Variants in ILRUN observed in about 807,000 individuals in gnomAD.
ILRUN encodes protein ILRUN.
ILRUN carries 3 observed loss-of-function variants against 33.8 expected under a neutral mutation model. The ratio of observed to expected loss-of-function variants is 0.09; its 90% CI spans 0.04 to 0.23. ILRUN has a LOEUF of 0.23. Among genes scored for constraint, ILRUN ranks in the 10% least tolerant of loss-of-function variants. The pLI is 1.00. For missense variants in ILRUN, 210 were observed against 375.1 expected, an observed-to-expected ratio of 0.56 and a Z score of 3.64; for synonymous variants, 124 against 138.9, an observed-to-expected ratio of 0.89 and a Z score of 0.75.
chr6:34,617,067 C>T, intron 3 of ILRUN: 2 of 531,576 alleles, frequency 3.8e-6, no homozygotes, highest in South Asian at 1.4e-5. Context: ...TATGGCATCA[C>T]CTGCATGGAG....
chr6:34,643,021 C>T (rs182457819), intron 3 of ILRUN, among the ~76,000 whole-genome samples: 4 of 150,626 alleles, frequency 2.7e-5, no homozygotes, highest in African/African-American at 7.3e-5. Context: ...AGAGGCCAGG[C>T]GCAGTGGCTC....
At chr6:34,657,522 A>C (rs1241862182) in intron 1 of ILRUN, among the ~76,000 whole-genome samples, 1 of 152,238 alleles carries the variant, frequency 6.6e-6, no homozygotes, top group Admixed American at 6.5e-5. Context: ...CCAGAGAAAG[A>C]TTAAGAAACA....
intron 3 of ILRUN, among the ~76,000 whole-genome samples, chr6:34,626,092 C>T (rs777009742): frequency 1.3e-5 from 2 of 152,158 alleles, no homozygotes; most frequent in Non-Finnish European, 2.9e-5. Flanking sequence ...CCCCATGATC[C>T]GCCTGGGTCG....
At chr6:34,650,774 G>A (rs1229137500) in intron 2 of ILRUN, among the ~76,000 whole-genome samples, 10 of 152,042 alleles carry the variant, frequency 6.6e-5, no homozygotes, top group Admixed American at 1.3e-4. Flanking sequence ...ATTTTAAACA[G>A]TGCGCAACGT....
At chr6:34,694,577 C>T (rs1226230739) in intron 1 of ILRUN, among the ~76,000 whole-genome samples, 1 of 152,154 alleles carries the variant, frequency 6.6e-6, no homozygotes, top group Non-Finnish European at 1.5e-5. Flanking sequence ...AGGCTATATT[C>T]CCTGCTTGAG....
Position 34,637,572 on chromosome 6 carries a change from GTT to G in ILRUN, c.511+9027_511+9028del, listed in dbSNP as rs1762388421. On this transcript the variant is annotated intron_variant, in intron 3 of 4. Coordinates refer to ENST00000374023, the MANE Select transcript of ILRUN (RefSeq NM_024294.4). ...CCTTTTCTATACATGTGTATGGTAA[GTT>G]GAGGAGTAAGAAAATTAATTTTAAA... is the stretch of plus-strand genomic sequence containing the variant. Among the ~76,000 whole-genome samples, 5 of 152,286 alleles carry G rather than the reference GTT, an allele frequency of 3.3e-5. No homozygotes were observed. In the East Asian group the frequency reaches 9.7e-4, roughly 29 times the overall value.
At chr6:34,673,681 C>G (rs1294249219) in intron 1 of ILRUN, among the ~76,000 whole-genome samples, 1 of 152,114 alleles carries the variant, frequency 6.6e-6, no homozygotes, top group Non-Finnish European at 1.5e-5. Flanking sequence ...CAACACAGTG[C>G]AACACTGAGT....
At chr6:34,608,795 G>A (rs774482975) in intron 3 of ILRUN, among the ~76,000 whole-genome samples, 1 of 152,170 alleles carries the variant, frequency 6.6e-6, no homozygotes, top group East Asian at 1.9e-4. Context: ...AGGACATTTG[G>A]TCATAGTTCA....
intron 1 of ILRUN, among the ~76,000 whole-genome samples, chr6:34,679,040 T>C (rs1763301488): frequency 6.6e-6 from 1 of 151,456 alleles, no homozygotes; most frequent in Non-Finnish European, 1.5e-5. Flanking sequence ...TGTCAGGTAC[T>C]ATGCTTATTA....
At chr6:34,629,425 C>A (rs1352153274) in intron 3 of ILRUN, among the ~76,000 whole-genome samples, 2 of 152,124 alleles carry the variant, frequency 1.3e-5, no homozygotes, top group Non-Finnish European at 2.9e-5. Flanking sequence ...GCCTCAGACT[C>A]CCAAAGTGCT....
chr6:34,658,494 T>TTC (rs1554187295), intron 1 of ILRUN, among the ~76,000 whole-genome samples: 4 of 150,014 alleles, frequency 2.7e-5, no homozygotes, highest in African/African-American at 7.4e-5. Context: ...CTTTTTCTTT[T>TTC]TTTTTTTTTT....
intron 3 of ILRUN, among the ~76,000 whole-genome samples, chr6:34,637,392 GA>G (rs1461808610): frequency 8.5e-5 from 13 of 152,176 alleles, no homozygotes; most frequent in African/African-American, 2.6e-4. Flanking sequence ...TTGATTTTAA[GA>G]ATTTTTTAAG....
At chr6:34,620,189 C>T (rs571479918) in intron 3 of ILRUN, among the ~76,000 whole-genome samples, 2 of 152,008 alleles carry the variant, frequency 1.3e-5, no homozygotes, top group East Asian at 1.9e-4. Context: ...AAATATATTA[C>T]GTAAATAAGT....
chr6:34,690,182 C>T (rs1334117764), intron 1 of ILRUN, among the ~76,000 whole-genome samples: 1 of 152,086 alleles, frequency 6.6e-6, no homozygotes, highest in African/African-American at 2.4e-5. Context: ...AAATGCGGGC[C>T]GGGCATGGTG....
rs982788664 is a variant in ILRUN at position 34,589,549 on chromosome 6, G to A, written c.*1016C>T. 5 of 152,244 alleles carry A rather than the reference G, an allele frequency of 3.3e-5. No individual in the cohort carries two copies. Among genetic ancestry groups the A allele is most frequent in the Non-Finnish European group, 5.9e-5 (4 of 68,072 alleles). 9.4% of individuals were successfully genotyped at this position (152,244 alleles called of 1,614,324 possible). A position where few individuals can be genotyped will look rare whatever the true frequency, so the allele number is the denominator to read the frequency against. The stretch of plus-strand genomic sequence containing the variant: ...GTGTTGTGTGACAACAGAGAAGCAT[G>A]GGCCACCTTCAAGCTTGCCTACTGC... On this transcript the variant is annotated 3_prime_UTR_variant, in exon 5 of 5. Coordinates refer to ENST00000374023, the MANE Select transcript of ILRUN (RefSeq NM_024294.4).
intron 4 of ILRUN, among the ~76,000 whole-genome samples, chr6:34,604,485 T>C (rs897052963): frequency 1.3e-5 from 2 of 152,214 alleles, no homozygotes; most frequent in African/African-American, 4.8e-5. Context: ...CATAGGTGGG[T>C]GAGGCAGCTT....
At chr6:34,635,070 T>TCAG (rs10657260) in intron 3 of ILRUN, among the ~76,000 whole-genome samples, 67,472 of 151,782 alleles carry the variant, frequency 0.44, 16,976 homozygotes, top group African/African-American at 0.7. Flanking sequence ...CAAATAAGGC[T>TCAG]GTCAGAAATA....
intron 3 of ILRUN, among the ~76,000 whole-genome samples, chr6:34,637,737 C>T (rs1762391335): frequency 6.6e-6 from 1 of 152,196 alleles, no homozygotes; most frequent in African/African-American, 2.4e-5. Flanking sequence ...ATTACTGTTT[C>T]ATCAGATTTT....
chr6:34,591,862 ACTG>A (rs1435964317), intron 4 of ILRUN, among the ~76,000 whole-genome samples: 3 of 152,300 alleles, frequency 2.0e-5, no homozygotes, highest in Admixed American at 2.0e-4. Context: ...AATTTGATGG[ACTG>A]CAGTATTCCT....
Sources: gnomAD v4.1 joint callset for allele counts (sites outside exome capture counted in the v4.1 genomes callset) on GRCh38, gnomAD v4.1.1 for gene constraint, MANE v1.5 for transcripts, NCBI Gene and HGNC (gene_info 2026-07-23, HGNC 2026-07-21) for gene names.